The following DAP3 variants were observed in gnomAD, a reference collection of about 807,000 sequenced individuals.
DAP3 encodes the protein small ribosomal subunit protein mS29.
A neutral mutation model predicts 51.9 loss-of-function variants in DAP3; 28 were observed. The ratio of observed to expected loss-of-function variants is 0.54; its 90% CI spans 0.40 to 0.74. DAP3 has a LOEUF of 0.74. Ranked by LOEUF, DAP3 falls within the 30% of genes least tolerant of loss-of-function variation. The pLI is 0.00. For synonymous variants in DAP3, 170 were observed against 170.3 expected, an observed-to-expected ratio of 1.00 and a Z score of 0.01; for missense variants, 458 against 483.5, an observed-to-expected ratio of 0.95 and a Z score of 0.49.
rs1041724474 is a variant in DAP3 at position 155,732,008 on chromosome 1, A to T, written c.968A>T (p.Tyr323Phe). ...TCTCTCTTTAAGCCCCGGAAAGCCT[A>T]TCTGCCCCAGGAGTTGCTGGGAAAG... ...TGSLFKPRKA[Y>F]LPQELLGKEG... The change falls in exon 11 of 13, where the codon TAT becomes TTT. Residue 323 changes from tyrosine to phenylalanine, a missense_variant. By Grantham distance (22) the Tyr-to-Phe change is conservative (BLOSUM62 3). Coordinates refer to ENST00000368336, the MANE Select transcript of DAP3 (RefSeq NM_004632.4). The T allele has an allele frequency of 8.1e-6, 13 of 1,611,900 alleles. No homozygotes were observed. In the Admixed American group the frequency reaches 1.3e-4, roughly 17 times the overall value.
intron 1 of DAP3, among the ~76,000 whole-genome samples, chr1:155,693,760 G>A (rs1166684556): frequency 2.1e-5 from 3 of 141,628 alleles, no homozygotes; most frequent in Admixed American, 6.6e-5. Flanking sequence ...TCGGGAGTTC[G>A]AGACCAGTCT....
intron 2 of DAP3, among the ~76,000 whole-genome samples, chr1:155,715,389 G>T (rs373104374): frequency 2.8e-4 from 43 of 152,166 alleles, no homozygotes; most frequent in African/African-American, 1.0e-3. Flanking sequence ...GGGCATAGTG[G>T]CATGCACCTG....
At chr1:155,726,111 TTC>T in intron 6 of DAP3, 92 bp downstream of exon 6, 1 of 1,084,862 alleles carries the variant, frequency 9.2e-7, no homozygotes, top group Non-Finnish European at 1.3e-6. Context: ...TTCTTTTCTT[TTC>T]TTTTTTTTTT....
intron 3 of DAP3, among the ~76,000 whole-genome samples, chr1:155,717,791 G>T (rs1427581134): frequency 1.3e-5 from 2 of 152,128 alleles, no homozygotes; most frequent in East Asian, 1.9e-4. Context: ...AACTAACTTG[G>T]TTTGTTGTGA....
Position 155,725,389 on chromosome 1 carries a change from C to T in DAP3, c.278C>T (p.Thr93Ile). The change falls in exon 5 of 13, where the codon ACA becomes ATA. Residue 93 changes from threonine (T) to isoleucine (I), a missense_variant. Coordinates refer to ENST00000368336, the MANE Select transcript of DAP3 (RefSeq NM_004632.4). ...TCTTTCCTACTTTATCAGGTGAAGACATTCAGTGAAGCTTGCCTGATGGTA... is the reference window on the plus strand; with the variant it reads ...TCTTTCCTACTTTATCAGGTGAAGATATTCAGTGAAGCTTGCCTGATGGTA... ...LPPRFVMQVKTFSEACLMVRK... is the reference protein window; with the variant it reads ...LPPRFVMQVKIFSEACLMVRK... 1.2e-6 allele frequency: 2 copies of T among 1,613,822 alleles called. No homozygotes were observed. The highest frequency in any genetic ancestry group is 2.2e-5 in the South Asian group (2 of 91,082).
chr1:155,714,288 A>G (rs927266957), intron 2 of DAP3, among the ~76,000 whole-genome samples: 1 of 151,710 alleles, frequency 6.6e-6, no homozygotes, highest in Non-Finnish European at 1.5e-5. Flanking sequence ...CTGATGTGGA[A>G]CTCCTGCCCT....
At chr1:155,733,452 G>A (rs1022301697) in intron 11 of DAP3, among the ~76,000 whole-genome samples, 1 of 152,192 alleles carries the variant, frequency 6.6e-6, no homozygotes, top group Non-Finnish European at 1.5e-5. Context: ...TCCGCAGCTG[G>A]TATGGTCTTG....
At position 155,726,117 on chromosome 1, in the gene DAP3, T is replaced by TC. The variant is rs202046183; in HGVS notation, c.472+98_472+99insC. ...AATTTTCTTTTCTTTTCTTTTCTTT[T>TC]TTTTTTTTTTTTTGAGATGGAGTTT... is the stretch of plus-strand genomic sequence containing the variant. On this transcript the variant is annotated intron_variant, in intron 6 of 12. Transcript: ENST00000368336. The TC allele has an allele frequency of 8.0e-4, 779 of 967,894 alleles. 6 individuals carry two copies. The East Asian group carries it at 0.022, about 27-fold the overall frequency. 60.0% of individuals were successfully genotyped at this position (967,894 alleles called of 1,614,324 possible).
Position 155,721,560 on chromosome 1 carries a change from C to G in DAP3, c.212C>G (p.Ser71Cys). ...DQHEGQHYNI[S>C]PQDLETVFPH... Reference sequence around the variant, plus strand: ...CACGAGGGTCAGCACTACAACATCTCCCCCCAGGATTTGGAGACTGTATTT... The same window carrying G: ...CACGAGGGTCAGCACTACAACATCTGCCCCCAGGATTTGGAGACTGTATTT... The change falls in exon 4 of 13, where the codon TCC (serine) becomes TGC (cysteine). Residue 71 changes from serine to cysteine, a missense_variant. Coordinates refer to ENST00000368336, the MANE Select transcript of DAP3 (RefSeq NM_004632.4). 1.2e-6 allele frequency: 2 copies of G among 1,614,004 alleles called. No homozygotes were observed. The highest frequency in any genetic ancestry group is 1.7e-6 in the Non-Finnish European group (2 of 1,180,000).
At chr1:155,738,049 T>G (rs1659987319) in intron 12 of DAP3, 108 bp from the exon 13 acceptor site, 1 of 1,036,110 alleles carries the variant, frequency 9.7e-7, no homozygotes, top group Admixed American at 2.2e-5. Flanking sequence ...AGATGATAAT[T>G]ACCTCAGAAC....
chr1:155,728,675 C>G (rs1030593909), intron 7 of DAP3, among the ~76,000 whole-genome samples: 3 of 152,128 alleles, frequency 2.0e-5, no homozygotes, highest in Non-Finnish European at 4.4e-5. Flanking sequence ...GCCTGGCCAA[C>G]ATGGCGAAAC....
At chr1:155,688,281 A>G (rs747330339), upstream of DAP3, 7 of 1,588,038 alleles carry the variant, frequency 4.4e-6, no homozygotes, top group East Asian at 2.3e-5. Flanking sequence ...CCCGCAACCG[A>G]CACTGGGATC....
chr1:155,730,137 C>A (rs1557797507), intron 9 of DAP3, among the ~76,000 whole-genome samples: 1 of 143,538 alleles, frequency 7.0e-6, no homozygotes, highest in East Asian at 2.0e-4. Context: ...TACATATATT[C>A]ATATGTTTTC....
At chr1:155,735,838 A>ATTTT (rs35138415) in intron 11 of DAP3, among the ~76,000 whole-genome samples, 1 of 82,482 alleles carries the variant, frequency 1.2e-5, no homozygotes, top group East Asian at 3.1e-4. Context: ...CGCCTGGCTA[A>ATTTT]TTTTTTTTTT....
intron 1 of DAP3, among the ~76,000 whole-genome samples, chr1:155,707,530 G>T (rs1050878367): frequency 6.6e-6 from 1 of 151,986 alleles, no homozygotes; most frequent in South Asian, 2.1e-4. Flanking sequence ...AAACCTCTTA[G>T]CTCCAAAAGA....
At chr1:155,729,491 A>G (rs1333480865) in intron 9 of DAP3, 125 bp downstream of exon 9, 28 of 1,319,314 alleles carry the variant, frequency 2.1e-5, no homozygotes, top group Non-Finnish European at 2.8e-5. Context: ...GAAGATAAAC[A>G]GTAAAGAGCT....
At chr1:155,720,938 G>A (rs561454750) in intron 3 of DAP3, among the ~76,000 whole-genome samples, 26 of 152,236 alleles carry the variant, frequency 1.7e-4, no homozygotes, top group African/African-American at 5.5e-4. Flanking sequence ...TCGGGAGGCT[G>A]AGGCAGGAGA....
chr1:155,709,500 TC>T (rs1656431702), intron 1 of DAP3, among the ~76,000 whole-genome samples: 1 of 152,142 alleles, frequency 6.6e-6, no homozygotes, highest in Non-Finnish European at 1.5e-5. Flanking sequence ...GTGAATGGTA[TC>T]TGGTTTTCAT....
chr1:155,723,095 C>A, intron 4 of DAP3, among the ~76,000 whole-genome samples: 1 of 151,674 alleles, frequency 6.6e-6, no homozygotes, highest in Non-Finnish European at 1.5e-5. Context: ...AATACTGCTC[C>A]TTTTGGAGCA....
Sources: gnomAD v4.1 joint callset for allele counts (sites outside exome capture counted in the v4.1 genomes callset) on GRCh38, gnomAD v4.1.1 for gene constraint, MANE v1.5 for transcripts, NCBI Gene and HGNC (gene_info 2026-07-23, HGNC 2026-07-21) for gene names.